CDK12: variants seen among roughly 807,000 people sequenced by gnomAD.
The protein encoded by CDK12 is cyclin-dependent kinase 12.
Under a neutral mutation model 133.8 loss-of-function variants are expected in CDK12, and 17 were observed. The observed-to-expected ratio is 0.13, with a 90% CI of 0.09 to 0.19. CDK12 has a LOEUF of 0.19. CDK12 is among the 10% of genes least tolerant of loss of function. The pLI, the probability that CDK12 is intolerant of heterozygous loss-of-function variation, is 1.00. For missense variants in CDK12, 1,508 were observed against 1,818.7 expected (o/e 0.83, Z 3.11); for synonymous variants, 694 against 683.6 (o/e 1.02, Z -0.24).
rs1021399334 is a variant in CDK12 at position 39,462,160 on chromosome 17, C to T, written c.89C>T (p.Ser30Phe). Residue 30 changes from serine (S) to phenylalanine (F), a missense_variant, in exon 1 of 14, where the codon TCT becomes TTT. Physicochemically the swap from Ser to Phe is radical, Grantham distance 155. This residue lies in a region of CDK12 where 460 missense variants were observed against 490.8 expected (regional missense o/e 0.94). Transcript: ENST00000447079. ...CAGCCGTCATCGGGAGGCGGCAGCT[C>T]TAACAGCAGAGAGCGTCACCGCTTG... is the stretch of plus-strand genomic sequence containing the variant. ...TLQPSSGGGS[S>F]NSRERHRLVS... 1.2e-6 allele frequency: 2 copies of T among 1,614,220 alleles called. No individual in the cohort carries two copies. The highest frequency in any genetic ancestry group is 1.1e-5 in the South Asian group (1 of 91,084).
intron 4 of CDK12, among the ~76,000 whole-genome samples, chr17:39,493,954 C>G (rs752458402): frequency 5.9e-5 from 9 of 152,028 alleles, no homozygotes; most frequent in Non-Finnish European, 8.8e-5. Context: ...GGAGATCGCG[C>G]CAGTGCCCTG....
chr17:39,561,749 A>G (rs1024566187), intron 3 of CDK12, among the ~76,000 whole-genome samples: 2 of 151,934 alleles, frequency 1.3e-5, no homozygotes, highest in African/African-American at 4.8e-5. Flanking sequence ...GCAGCTGTGG[A>G]CTCCTAACAG....
At chr17:39,466,915 T>G (rs1428080700) in intron 1 of CDK12, among the ~76,000 whole-genome samples, 1 of 77,610 alleles carries the variant, frequency 1.3e-5, no homozygotes, top group African/African-American at 3.4e-5. Context: ...TTCTATGATA[T>G]TCTCTTGTGT....
At chr17:39,517,306 T>C (rs2053874836) in intron 9 of CDK12, 134 bp from the exon 10 acceptor site, 3 of 640,578 alleles carry the variant, frequency 4.7e-6, no homozygotes, top group Admixed American at 2.6e-5. Context: ...ATATTTTCCT[T>C]TCTGCATGCC....
chr17:39,480,708 C>G (rs1054627612), intron 2 of CDK12, among the ~76,000 whole-genome samples: 1 of 152,030 alleles, frequency 6.6e-6, no homozygotes, highest in African/African-American at 2.4e-5. Flanking sequence ...CAGGTGTGAG[C>G]CAGCACGCCC....
chr17:39,516,959 G>A (rs906533125), intron 9 of CDK12, among the ~76,000 whole-genome samples: 4 of 152,020 alleles, frequency 2.6e-5, no homozygotes, highest in African/African-American at 4.8e-5. Context: ...CACCGTGCCC[G>A]GCCAATGTAG....
chr17:39,496,073 G>C (rs972947224), intron 5 of CDK12, among the ~76,000 whole-genome samples: 4 of 151,522 alleles, frequency 2.6e-5, no homozygotes, highest in Non-Finnish European at 1.5e-5. Flanking sequence ...CACCACTCCC[G>C]GCTAATTTTT....
chr17:39,513,828 G>A (rs547972867), intron 8 of CDK12, among the ~76,000 whole-genome samples: 16 of 152,300 alleles, frequency 1.1e-4, no homozygotes, highest in African/African-American at 3.8e-4. Flanking sequence ...TCTCTCTGAA[G>A]ATATTTTTAT....
chr17:39,486,737 G>A (rs540436680), intron 2 of CDK12, among the ~76,000 whole-genome samples: 9 of 152,094 alleles, frequency 5.9e-5, no homozygotes, highest in Admixed American at 4.6e-4. Context: ...GGTGGGGTGC[G>A]GTGGCTCATG....
rs2145822415 is a variant in CDK12, at chr17:39,490,608, G to A, written c.1983G>A (p.Arg661=). 1.9e-6 allele frequency: 3 copies of A among 1,613,686 alleles called. No homozygotes were observed. The highest frequency in any genetic ancestry group is 2.5e-6 in the Non-Finnish European group (3 of 1,179,754). ...CTGTGAAGAAAGAGAAGGAACAGAG[G>A]ACACGTCACTTACTCACAGACCTTC... is the stretch of plus-strand genomic sequence containing the variant. ...SKPVKKEKEQ[R]TRHLLTDLPL... is the part of the protein sequence containing the mutation. Residue 661 remains arginine, a synonymous_variant, in exon 3 of 14, where the codon AGG becomes AGA. Transcript: ENST00000447079.
Position 39,501,264 on chromosome 17 carries a change from G to A in CDK12, c.2434G>A (p.Val812Ile), listed in dbSNP as rs1296186727. Residue 812 changes from valine (V) to isoleucine (I), a missense_variant, in exon 6 of 14, where the codon GTA becomes ATA. By Grantham distance (29) the Val-to-Ile change is conservative. Coordinates refer to ENST00000447079, the MANE Select transcript of CDK12 (RefSeq NM_016507.4). ...TCTTTATGTAGGTGCCTTTTACCTT[G>A]TATTTGAGTATATGGACCATGACTT... is the stretch of plus-strand genomic sequence containing the variant. The part of the protein sequence containing the change: ...FKKDKGAFYL[V>I]FEYMDHDLMG... 6.5e-7 allele frequency: 1 copy of A among 1,547,944 alleles called. No individual in the cohort carries two copies. The highest frequency in any genetic ancestry group is 8.7e-7 in the Non-Finnish European group (1 of 1,151,910).
At chr17:39,554,840 C>T (rs1044084765) in intron 2 of CDK12, among the ~76,000 whole-genome samples, 1 of 147,768 alleles carries the variant, frequency 6.8e-6, no homozygotes, top group Non-Finnish European at 1.5e-5. Flanking sequence ...GAGTTGAGAT[C>T]GCGCCACTGC....
At chr17:39,488,158 C>T (rs903414532) in intron 2 of CDK12, among the ~76,000 whole-genome samples, 2 of 151,268 alleles carry the variant, frequency 1.3e-5, no homozygotes, top group African/African-American at 2.4e-5. Context: ...TGCTTGAGCC[C>T]GGGAAATTGA....
chr17:39,483,109 C>CT, intron 2 of CDK12, among the ~76,000 whole-genome samples: 1 of 151,696 alleles, frequency 6.6e-6, no homozygotes, highest in Non-Finnish European at 1.5e-5. Context: ...GACGGGGTTT[C>CT]ACCATGTTGG....
At chr17:39,483,507 AC>A (rs2050883700) in intron 2 of CDK12, among the ~76,000 whole-genome samples, 1 of 151,814 alleles carries the variant, frequency 6.6e-6, no homozygotes, top group Non-Finnish European at 1.5e-5. Context: ...CAAGGAATAC[AC>A]CTTCCTTGGC....
rs932595940 is a variant in CDK12 at position 39,519,937 on chromosome 17, T to C, written c.2964-19T>C. The stretch of plus-strand genomic sequence containing the variant: ...GTAGGGTCATTGTGAACTTGTCCTT[T>C]CTGTGTTCTTTTCCATAGCATTCCT... On this transcript the variant is annotated intron_variant, in intron 10 of 13. Transcript: ENST00000447079. 1.9e-6 allele frequency: 3 copies of C among 1,613,488 alleles called. No homozygotes were observed. The highest frequency in any genetic ancestry group is 3.3e-4 in the Middle Eastern group (2 of 6,034).
rs118128477 is a variant in CDK12, at chr17:39,496,800, C to A, written c.2419+2106C>A. ...TTTTCATTGTATAGCATTTTTGATACAGAGTTATTTGGTCAAATGGATTTT... is the reference window on the plus strand; with the variant it reads ...TTTTCATTGTATAGCATTTTTGATAAAGAGTTATTTGGTCAAATGGATTTT... On this transcript the variant is annotated intron_variant, in intron 5 of 13. Transcript: ENST00000447079. Among the ~76,000 whole-genome samples, 432 of 151,190 alleles carry A rather than the reference C, an allele frequency of 2.9e-3. 2 individuals are homozygous for A. The Middle Eastern group carries it at 0.062, about 22-fold the overall frequency.
chr17:39,540,974 T>C (rs1364456982), intron 1 of CDK12, among the ~76,000 whole-genome samples: 1 of 152,220 alleles, frequency 6.6e-6, no homozygotes, highest in Non-Finnish European at 1.5e-5. Flanking sequence ...GTAGCTCCTG[T>C]CTCACTGTGT....
At chr17:39,507,195 C>G (rs192866771) in intron 6 of CDK12, among the ~76,000 whole-genome samples, 39 of 152,132 alleles carry the variant, frequency 2.6e-4, no homozygotes, top group African/African-American at 9.4e-4. Context: ...TGCGCCCGGC[C>G]TGTTCTATTT....
Sources: allele counts gnomAD v4.1 joint callset (sites outside exome capture counted in the v4.1 genomes callset), GRCh38; gene constraint gnomAD v4.1.1; regional missense constraint gnomAD v4.1.1; transcripts MANE v1.5; gene names NCBI Gene and HGNC (gene_info 2026-07-23, HGNC 2026-07-21).